The following GRIK5 variants were observed in gnomAD, a reference collection of about 807,000 sequenced individuals.
GRIK5 encodes the protein glutamate receptor ionotropic, kainate 5.
A neutral mutation model predicts 97.4 loss-of-function variants in GRIK5; 43 were observed. That is an observed-to-expected ratio of 0.44 (90% confidence interval 0.35 to 0.57). GRIK5 has a LOEUF of 0.57. Among genes scored for constraint, GRIK5 ranks in the 20% least tolerant of loss-of-function variants. The probability of loss-of-function intolerance (pLI) is 0.01; values close to 1 mark genes in which losing one functional copy is unlikely to be tolerated. For missense variants in GRIK5, 1,015 were observed against 1,382.0 expected (o/e 0.73, Z 4.21); for synonymous variants, 580 against 583.5 (o/e 0.99, Z 0.09).
Position 42,002,555 on chromosome 19 carries a change from T to G in GRIK5, c.2514+777A>C, listed in dbSNP as rs2075435951. ...GGATGCAGAGCTGGGGTCTGGGGAG[T>G]AGATGTAAGGTCAGCCGCTGGATGT... On this transcript the variant is annotated intron_variant, in intron 19 of 19. Transcript: ENST00000593562. The surrounding 1 kb of genome is among the most constrained non-coding windows in gnomAD (Gnocchi z 5.2). 1 of 673,070 alleles carries G rather than the reference T, an allele frequency of 1.5e-6. No individual in the cohort carries two copies. Among genetic ancestry groups the G allele is most frequent in the Non-Finnish European group, 2.8e-6 (1 of 362,822 alleles). 41.7% of individuals were successfully genotyped at this position (673,070 alleles called of 1,614,324 possible). A position where few individuals can be genotyped will look rare whatever the true frequency, so the allele number is the denominator to read the frequency against.
At position 42,021,367 on chromosome 19, in the gene GRIK5, C is replaced by T; in HGVS notation, c.1805G>A (p.Gly602Asp). ...GATCTCCGAGCCCTGCTGCATGAAG[C>T]CCCCCACGGGAAACCACAGGCTGTT... is the stretch of plus-strand genomic sequence containing the variant. ...LGNSLWFPVG[G>D]FMQQGSEIMP... is the part of the protein sequence containing the mutation. The change falls in exon 15 of 20, where the codon GGC becomes GAC. Residue 602 changes from glycine (G) to aspartate (D), a missense_variant. Around this residue, in one of 5 missense-constraint regions of GRIK5, gnomAD observed 477 missense variants for 701.1 expected, o/e 0.68. Transcript: ENST00000593562. The surrounding 1 kb of genome is among the most constrained non-coding windows in gnomAD (Gnocchi z 4.2). The T allele has an allele frequency of 1.2e-6, 2 of 1,613,406 alleles. No individual in the cohort carries two copies. Among genetic ancestry groups the T allele is most frequent in the Non-Finnish European group, 1.7e-6 (2 of 1,179,772 alleles).
In GRIK5 at chr19:42,070,130, C is replaced by T. The variant is rs867406582; in HGVS notation, c.-940G>A. 6.6e-6 allele frequency among the ~76,000 whole-genome samples: 1 copy of T among 152,190 alleles called. No individual in the cohort carries two copies. Among genetic ancestry groups the T allele is most frequent in the South Asian group, 2.1e-4 (1 of 4,826 alleles). ...GGCCTGCCTCCCTGCCGCTGGCTGC[C>T]GCCACCGCTCAGTCTCCCCTCCGAG... On this transcript the variant is annotated 5_prime_UTR_variant, in exon 1 of 20. Transcript: ENST00000593562.
chr19:42,001,856 G>T, intron 19 of GRIK5: 1 of 488,648 alleles, frequency 2.0e-6, no homozygotes, highest in Non-Finnish European at 3.6e-6. Context: ...CCAGCACATA[G>T]TGGGTCTTAA....
At chr19:42,031,816 T>A (rs1227156211) in intron 12 of GRIK5, among the ~76,000 whole-genome samples, 3 of 152,230 alleles carry the variant, frequency 2.0e-5, no homozygotes, top group African/African-American at 4.8e-5. Flanking sequence ...TAGGCTGCAA[T>A]GCAGGCAAAG....
At chr19:42,026,811 A>G (rs1014623987) in intron 12 of GRIK5, among the ~76,000 whole-genome samples, 13 of 140,778 alleles carry the variant, frequency 9.2e-5, no homozygotes, top group Middle Eastern at 4.2e-3. Flanking sequence ...CAGGTGATCC[A>G]CCTGCCTCAG....
At chr19:42,048,625 A>AAAAAAATAAACAAATAAAAAAT (rs2076073669) in intron 11 of GRIK5, among the ~76,000 whole-genome samples, 2 of 152,006 alleles carry the variant, frequency 1.3e-5, no homozygotes, top group African/African-American at 4.8e-5. Flanking sequence ...GTCTCAAAAT[A>AAAAAAATAAACAAATAAAAAAT]AAAAAATAAA....
chr19:42,024,184 C>G (rs1292961805), intron 12 of GRIK5, among the ~76,000 whole-genome samples: 1 of 151,494 alleles, frequency 6.6e-6, no homozygotes, highest in African/African-American at 2.4e-5. Flanking sequence ...CACTCCCACT[C>G]TAGGGTCTCT....
Position 42,065,865 on chromosome 19 carries a change from G to T in GRIK5, c.-50-45C>A. On this transcript the variant is annotated intron_variant, in intron 1 of 19. Transcript: ENST00000593562. The surrounding 1 kb of genome is among the most constrained non-coding windows in gnomAD (Gnocchi z 5.8). ...ACCAAGGGGAGATTACTATGTGGTG[G>T]GATGGAACCCCTTGGAGGCCTGCTG... is the stretch of plus-strand genomic sequence containing the variant. 1.9e-6 allele frequency: 2 copies of T among 1,028,876 alleles called. No homozygotes were observed. Among genetic ancestry groups the T allele is most frequent in the Non-Finnish European group, 2.9e-6 (2 of 688,852 alleles). The allele number at this position is 1,028,876 out of a possible 1,614,324, so 63.7% of individuals were successfully genotyped here. A position where few individuals can be genotyped will look rare whatever the true frequency, so the allele number is the denominator to read the frequency against.
Position 41,999,004 on chromosome 19 carries a change from C to T in GRIK5, c.2810G>A (p.Arg937Gln). Residue 937 changes from arginine to glutamine, a missense_variant, in exon 20 of 20, where the codon CGG becomes CAG. Arg to Gln is a conservative substitution (Grantham distance 43, BLOSUM62 1). Coordinates refer to ENST00000593562, the MANE Select transcript of GRIK5 (RefSeq NM_002088.5). The surrounding 1 kb of genome is among the most constrained non-coding windows in gnomAD (Gnocchi z 5.0). ...CTHVRVCQEC[R>Q]RIQALRASGA... ...CGAGGCCCGCAGCGCCTGGATGCGC[C>T]GGCACTCCTGGCAGACGCGCACGTG... 1 of 1,208,852 alleles carries T rather than the reference C, an allele frequency of 8.3e-7. No individual in the cohort carries two copies. The allele number at this position is 1,208,852 out of a possible 1,614,324, so 74.9% of individuals were successfully genotyped here.
At chr19:42,027,988 C>A (rs914192270) in intron 12 of GRIK5, among the ~76,000 whole-genome samples, 1 of 152,056 alleles carries the variant, frequency 6.6e-6, no homozygotes, top group Admixed American at 6.6e-5. Flanking sequence ...TGTGCCACCT[C>A]GCCTGGCTAA....
chr19:42,042,706 T>C lies in GRIK5; in HGVS notation c.1319A>G (p.Asn440Ser), dbSNP rs931325530. The C allele has an allele frequency of 6.2e-7, 1 of 1,613,614 alleles. No individual in the cohort carries two copies. The highest frequency in any genetic ancestry group is 1.3e-5 in the African/African-American group (1 of 74,934). The part of the protein sequence containing the change: ...RRPNFQALSG[N>S]ERFEGFCVDM... ...CACGCAGAAGCCCTCGAAGCGTTCGTTCCCCGACAGGGCCTGGAAGTTGGG... is the reference window on the plus strand; with the variant it reads ...CACGCAGAAGCCCTCGAAGCGTTCGCTCCCCGACAGGGCCTGGAAGTTGGG... Residue 440 changes from asparagine (N) to serine (S), a missense_variant, in exon 12 of 20, where the codon AAC (asparagine) becomes AGC (serine). Coordinates refer to ENST00000593562, the MANE Select transcript of GRIK5 (RefSeq NM_002088.5). This position sits in a 1 kb window ranked among gnomAD's most constrained non-coding sequence, Gnocchi z 6.9.
In GRIK5 at chr19:42,003,850, A is replaced by G. The variant is rs2075455021; in HGVS notation, c.2264-167T>C. 6.2e-6 allele frequency: 4 copies of G among 649,436 alleles called. No homozygotes were observed. The highest frequency in any genetic ancestry group is 1.0e-5 in the Non-Finnish European group (4 of 392,220). The allele number at this position is 649,436 out of a possible 1,614,324, so 40.2% of individuals were successfully genotyped here. ...CAGCCCAGTCTCCTCTCAACACAGC[A>G]GCCAGAGAGACAGTGTTAGGAAGAG... is the stretch of plus-strand genomic sequence containing the variant. On this transcript the variant is annotated intron_variant, in intron 17 of 19. Transcript: ENST00000593562. The surrounding 1 kb of genome is among the most constrained non-coding windows in gnomAD (Gnocchi z 4.2).
At chr19:42,057,192 C>T (rs2146156240) in intron 6 of GRIK5, among the ~76,000 whole-genome samples, 1 of 152,154 alleles carries the variant, frequency 6.6e-6, no homozygotes, top group Non-Finnish European at 1.5e-5. Flanking sequence ...TGGTGTCCCG[C>T]CATGCTGACT....
At chr19:42,067,443 T>G (rs1368214304) in intron 1 of GRIK5, among the ~76,000 whole-genome samples, 2 of 151,874 alleles carry the variant, frequency 1.3e-5, no homozygotes, top group Non-Finnish European at 2.9e-5. Context: ...CAAACTATAA[T>G]GTGGATTAAG....
rs553409460 is a variant in GRIK5, at chr19:42,006,951, G to A, written c.1872-141C>T. ...AGTGACTGCTGGGTGCAGAAGCGGG[G>A]AGTGTGGATTCTGAAGCCAGACTTC... On this transcript the variant is annotated intron_variant, in intron 15 of 19. Transcript: ENST00000593562. The surrounding 1 kb of genome is among the most constrained non-coding windows in gnomAD (Gnocchi z 5.3). The A allele has an allele frequency of 1.6e-6, 1 of 606,644 alleles. No homozygotes were observed. Among genetic ancestry groups the A allele is most frequent in the East Asian group, 2.9e-5 (1 of 34,910 alleles). The allele number at this position is 606,644 out of a possible 1,614,324, so 37.6% of individuals were successfully genotyped here. A position where few individuals can be genotyped will look rare whatever the true frequency, so the allele number is the denominator to read the frequency against.
At chr19:42,001,854 T>C (rs1555870961) in intron 19 of GRIK5, 3 of 483,462 alleles carry the variant, frequency 6.2e-6, no homozygotes, top group East Asian at 3.3e-5. Context: ...CACCAGCACA[T>C]AGTGGGTCTT....
chr19:42,021,372 C>A lies in GRIK5; in HGVS notation c.1800G>T (p.Val600=). The A allele has an allele frequency of 6.2e-7, 1 of 1,613,614 alleles. No individual in the cohort carries two copies. The highest frequency in any genetic ancestry group is 8.5e-7 in the Non-Finnish European group (1 of 1,179,862). Reference sequence around the variant, plus strand: ...CCGAGCCCTGCTGCATGAAGCCCCCCACGGGAAACCACAGGCTGTTGCCCA... The same window carrying A: ...CCGAGCCCTGCTGCATGAAGCCCCCAACGGGAAACCACAGGCTGTTGCCCA... ...YTLGNSLWFP[V]GGFMQQGSEI... is the part of the protein sequence containing the mutation. Residue 600 remains valine (V), a synonymous_variant, in exon 15 of 20, where the codon GTG becomes GTT. Coordinates refer to ENST00000593562, the MANE Select transcript of GRIK5 (RefSeq NM_002088.5). The surrounding 1 kb of genome is among the most constrained non-coding windows in gnomAD (Gnocchi z 4.2).
In GRIK5 at chr19:42,053,758, G is replaced by A. The variant is rs757419783; in HGVS notation, c.1162-49C>T. 3.2e-6 allele frequency: 5 copies of A among 1,545,932 alleles called. No homozygotes were observed. In the Admixed American group the frequency reaches 8.3e-5, roughly 26 times the overall value. On this transcript the variant is annotated intron_variant, in intron 10 of 19. Transcript: ENST00000593562. ...CAGCTCAGGCCCTGCCTGAGGTCAT[G>A]GCAGCCTCTGGGCCCGCCCCCACCC...
At chr19:42,004,754 C>G (rs2075465585) in intron 17 of GRIK5, among the ~76,000 whole-genome samples, 1 of 152,214 alleles carries the variant, frequency 6.6e-6, no homozygotes, top group Admixed American at 6.5e-5. Flanking sequence ...GTAGCTGAGA[C>G]TACAGGTGCA....
Sources: gnomAD v4.1 joint callset for allele counts (sites outside exome capture counted in the v4.1 genomes callset) on GRCh38, gnomAD v4.1.1 for gene constraint, gnomAD v4.1.1 regional missense constraint, Gnocchi (gnomAD v3.1) non-coding constraint, MANE v1.5 for transcripts, NCBI Gene and HGNC (gene_info 2026-07-23, HGNC 2026-07-21) for gene names.